TBL1XR1: variants seen among roughly 807,000 people sequenced by gnomAD.
The protein encoded by TBL1XR1 is TBL1X/Y related 1.
In TBL1XR1, 5 loss-of-function variants were observed where a neutral mutation model predicts 66.9. The ratio of observed to expected loss-of-function variants is 0.07; its 90% CI spans 0.04 to 0.16. The LOEUF (loss-of-function observed/expected upper bound fraction) is 0.16. Among genes scored for constraint, TBL1XR1 ranks in the 10% least tolerant of loss-of-function variants. The pLI is 1.00. For synonymous variants in TBL1XR1, 210 were observed against 206.0 expected (o/e 1.02, Z -0.17); for missense variants, 238 against 623.2 (o/e 0.38, Z 6.58).
At chr3:177,090,316 T>C (rs1722663867) in intron 2 of TBL1XR1, among the ~76,000 whole-genome samples, 1 of 152,112 alleles carries the variant, frequency 6.6e-6, no homozygotes, top group Non-Finnish European at 1.5e-5. Flanking sequence ...GATATAAATG[T>C]TTCCTATGAT....
chr3:177,037,867 T>G, intron 12 of TBL1XR1: 1 of 460,682 alleles, frequency 2.2e-6, no homozygotes, highest in Non-Finnish European at 3.9e-6. Context: ...TATGTCTCAT[T>G]GTATCACAAG....
intron 1 of TBL1XR1, among the ~76,000 whole-genome samples, chr3:177,107,181 C>A (rs907591073): frequency 2.0e-5 from 3 of 152,008 alleles, no homozygotes; most frequent in Non-Finnish European, 4.4e-5. Context: ...TTTGGACACA[C>A]AAAAAATATA....
chr3:177,149,579 C>G (rs1259114287), intron 1 of TBL1XR1, among the ~76,000 whole-genome samples: 2 of 152,074 alleles, frequency 1.3e-5, no homozygotes, highest in African/African-American at 2.4e-5. Context: ...TTCAATAGTA[C>G]AAGCAAGCAA....
At chr3:177,029,560 T>G (rs892882581) in intron 14 of TBL1XR1, among the ~76,000 whole-genome samples, 10 of 152,274 alleles carry the variant, frequency 6.6e-5, no homozygotes, top group Non-Finnish European at 1.2e-4. Flanking sequence ...AGGCCAAGGC[T>G]GCAGTAAGCC....
intron 2 of TBL1XR1, among the ~76,000 whole-genome samples, chr3:177,069,864 C>T (rs1332017382): frequency 7.4e-6 from 1 of 134,346 alleles, no homozygotes; most frequent in African/African-American, 2.8e-5. Context: ...AAAAACAACA[C>T]ACCAAATCAA....
chr3:177,089,427 T>C (rs1560162481), intron 2 of TBL1XR1, among the ~76,000 whole-genome samples: 2 of 152,156 alleles, frequency 1.3e-5, no homozygotes, highest in Admixed American at 6.5e-5. Context: ...CGAGGTTCCT[T>C]GCCCCTTAGG....
intron 1 of TBL1XR1, among the ~76,000 whole-genome samples, chr3:177,138,960 A>C (rs1464071211): frequency 6.6e-6 from 1 of 152,150 alleles, no homozygotes; most frequent in African/African-American, 2.4e-5. Flanking sequence ...ACTACTATTC[A>C]AGAGAGAAGC....
At chr3:177,042,049 T>G (rs553722593) in intron 10 of TBL1XR1, among the ~76,000 whole-genome samples, 16 of 152,312 alleles carry the variant, frequency 1.1e-4, no homozygotes, top group African/African-American at 3.8e-4. Context: ...TTTCTTTGTA[T>G]TAAATTCCCT....
At chr3:177,056,334 G>T (rs1273461081) in intron 3 of TBL1XR1, among the ~76,000 whole-genome samples, 1 of 152,186 alleles carries the variant, frequency 6.6e-6, no homozygotes, top group Non-Finnish European at 1.5e-5. Context: ...TCCAAGAATA[G>T]TCTAAGACTT....
intron 1 of TBL1XR1, among the ~76,000 whole-genome samples, chr3:177,153,325 C>T (rs1368073538): frequency 6.6e-6 from 1 of 152,128 alleles, no homozygotes; most frequent in Non-Finnish European, 1.5e-5. Flanking sequence ...AAGAAAACAG[C>T]AGATACAAGT....
At chr3:177,047,253 T>A in intron 9 of TBL1XR1, 47 bp downstream of exon 9, 1 of 1,453,142 alleles carries the variant, frequency 6.9e-7, no homozygotes, top group South Asian at 1.3e-5. Flanking sequence ...TGCTTTCAAT[T>A]AAGCTCTGTA....
chr3:177,115,350 T>A (rs1019758207), intron 1 of TBL1XR1, among the ~76,000 whole-genome samples: 3 of 152,216 alleles, frequency 2.0e-5, no homozygotes, highest in Non-Finnish European at 4.4e-5. Flanking sequence ...TCAGTATTTA[T>A]AAGAGAGACT....
intron 1 of TBL1XR1, among the ~76,000 whole-genome samples, chr3:177,116,564 G>A (rs549161083): frequency 1.1e-4 from 17 of 152,198 alleles, no homozygotes; most frequent in Admixed American, 6.5e-4. Flanking sequence ...TTCACTAGAA[G>A]GTATGTATCT....
At chr3:177,031,347 T>A (rs1007698026) in intron 14 of TBL1XR1, among the ~76,000 whole-genome samples, 2 of 151,638 alleles carry the variant, frequency 1.3e-5, no homozygotes, top group African/African-American at 2.4e-5. Context: ...TTTATTTTTT[T>A]TTTTTGAGAC....
chr3:177,075,900 G>T (rs1037824386), intron 2 of TBL1XR1, among the ~76,000 whole-genome samples: 1 of 152,196 alleles, frequency 6.6e-6, no homozygotes, highest in Non-Finnish European at 1.5e-5. Context: ...GGTGTGCTAA[G>T]GAGGGGTCTG....
intron 1 of TBL1XR1, among the ~76,000 whole-genome samples, chr3:177,146,796 T>C: frequency 6.6e-6 from 1 of 152,022 alleles, no homozygotes; most frequent in East Asian, 1.9e-4. Context: ...TGAGAAAATA[T>C]CTCTAAAATG....
Position 177,165,965 on chromosome 3 carries a change from C to A in TBL1XR1, c.-122+31156G>T, listed in dbSNP as rs1019285370. Among the ~76,000 whole-genome samples, 5 of 152,124 alleles carry A rather than the reference C, an allele frequency of 3.3e-5. No homozygotes were observed. In the South Asian group the frequency reaches 1.0e-3, roughly 32 times the overall value. On this transcript the variant is annotated intron_variant, in intron 1 of 15. Transcript: ENST00000457928. ...ATTAGCTGGACATGGTGGTATGCCCCTGTAGACCCACCTACTCAGGAGGCT... is the reference window on the plus strand; with the variant it reads ...ATTAGCTGGACATGGTGGTATGCCCATGTAGACCCACCTACTCAGGAGGCT...
At chr3:177,142,420 T>C (rs1343236684) in intron 1 of TBL1XR1, among the ~76,000 whole-genome samples, 1 of 152,188 alleles carries the variant, frequency 6.6e-6, no homozygotes, top group African/African-American at 2.4e-5. Context: ...ACGTCTAGGT[T>C]GTTGTCACGG....
chr3:177,153,282 TAGA>T (rs1041515851), intron 1 of TBL1XR1, among the ~76,000 whole-genome samples: 9 of 152,200 alleles, frequency 5.9e-5, no homozygotes, highest in Non-Finnish European at 1.0e-4. Context: ...GAGACCTGAC[TAGA>T]AGAAGTGTTA....
Sources: gnomAD v4.1 joint callset for allele counts (sites outside exome capture counted in the v4.1 genomes callset) on GRCh38, gnomAD v4.1.1 for gene constraint, MANE v1.5 for transcripts, NCBI Gene and HGNC (gene_info 2026-07-23, HGNC 2026-07-21) for gene names.